GRIP1: variants seen among roughly 807,000 people sequenced by gnomAD.
GRIP1 encodes the protein glutamate receptor-interacting protein 1.
GRIP1 carries 45 observed loss-of-function variants against 129.9 expected under a neutral mutation model. That is an observed-to-expected ratio of 0.35 (90% confidence interval 0.27 to 0.44). The LOEUF is 0.44. Ranked by LOEUF, GRIP1 falls within the 20% of genes least tolerant of loss-of-function variation. The pLI, the probability that GRIP1 is intolerant of heterozygous loss-of-function variation, is 1.00. For synonymous variants in GRIP1, 530 were observed against 520.8 expected, an observed-to-expected ratio of 1.02 and a Z score of -0.24; for missense variants, 1,196 against 1,396.8, an observed-to-expected ratio of 0.86 and a Z score of 2.29.
chr12:66,485,515 C>T (rs2059930208), intron 7 of GRIP1, among the ~76,000 whole-genome samples: 1 of 151,618 alleles, frequency 6.6e-6, no homozygotes, highest in South Asian at 2.1e-4. Context: ...TGCAAATATA[C>T]TTTCCTCCCT....
intron 9 of GRIP1, among the ~76,000 whole-genome samples, chr12:66,458,998 A>G (rs183913578): frequency 2.8e-4 from 42 of 152,224 alleles, no homozygotes; most frequent in African/African-American, 9.6e-4. Flanking sequence ...TACATTCTTC[A>G]TGGTACTTAT....
intron 11 of GRIP1, among the ~76,000 whole-genome samples, chr12:66,451,134 C>T (rs2058783102): frequency 6.6e-6 from 1 of 152,202 alleles, no homozygotes; most frequent in East Asian, 1.9e-4. Flanking sequence ...CCTGCTCTGT[C>T]CTGTTCCCAT....
chr12:66,673,294 T>A (rs1448828794), intron 1 of GRIP1, among the ~76,000 whole-genome samples: 1 of 152,192 alleles, frequency 6.6e-6, no homozygotes, highest in Non-Finnish European at 1.5e-5. Context: ...TGGCAGAAAG[T>A]AAGTGCTCAA....
At chr12:67,049,970 CTT>C (rs62802760) in intron 1 of GRIP1, among the ~76,000 whole-genome samples, 40 of 126,540 alleles carry the variant, frequency 3.2e-4, no homozygotes, top group Non-Finnish European at 3.7e-4. Flanking sequence ...ATTTGAATTT[CTT>C]TTTTTTTTTT....
intron 1 of GRIP1, among the ~76,000 whole-genome samples, chr12:66,686,460 G>C (rs149260509): frequency 1.7e-3 from 256 of 152,332 alleles, no homozygotes; most frequent in African/African-American, 6.0e-3. Flanking sequence ...TATCTCTAAA[G>C]TAATTCATGC....
At chr12:66,467,608 T>A (rs2059322965) in intron 7 of GRIP1, among the ~76,000 whole-genome samples, 2 of 152,196 alleles carry the variant, frequency 1.3e-5, no homozygotes, top group Non-Finnish European at 2.9e-5. Context: ...CTAAGGTGGT[T>A]AGTTTTGCCC....
intron 1 of GRIP1, among the ~76,000 whole-genome samples, chr12:66,878,950 A>T (rs1283945469): frequency 6.6e-6 from 1 of 151,980 alleles, no homozygotes; most frequent in Non-Finnish European, 1.5e-5. Context: ...GACTTACAGA[A>T]ACAGAGACAA....
At chr12:66,953,103 C>A (rs2041784878) in intron 1 of GRIP1, among the ~76,000 whole-genome samples, 1 of 152,110 alleles carries the variant, frequency 6.6e-6, no homozygotes, top group Non-Finnish European at 1.5e-5. Flanking sequence ...AATCATTCAG[C>A]CAGCAACAAA....
chr12:66,786,739 G>A (rs2038358284), intron 1 of GRIP1, among the ~76,000 whole-genome samples: 2 of 152,140 alleles, frequency 1.3e-5, no homozygotes, highest in South Asian at 4.1e-4. Context: ...TGACTAGGAA[G>A]GGGAGAAGCC....
At chr12:66,788,203 T>C (rs1414376419) in intron 1 of GRIP1, among the ~76,000 whole-genome samples, 1 of 152,084 alleles carries the variant, frequency 6.6e-6, no homozygotes, top group Non-Finnish European at 1.5e-5. Context: ...ACTGAGACTC[T>C]TTTTTGTTAA....
intron 1 of GRIP1, among the ~76,000 whole-genome samples, chr12:66,713,949 G>A (rs2035789190): frequency 6.6e-6 from 1 of 151,996 alleles, no homozygotes; most frequent in East Asian, 1.9e-4. Flanking sequence ...TTTCTTTAGA[G>A]ATAGGCAAGG....
intron 1 of GRIP1, among the ~76,000 whole-genome samples, chr12:67,014,371 G>A (rs2042753184): frequency 6.6e-6 from 1 of 152,012 alleles, no homozygotes; most frequent in South Asian, 2.1e-4. Context: ...CTAAGGGGAT[G>A]GTATCAGGCA....
chr12:66,908,197 T>C (rs2040967207), intron 1 of GRIP1, among the ~76,000 whole-genome samples: 1 of 152,154 alleles, frequency 6.6e-6, no homozygotes, highest in Non-Finnish European at 1.5e-5. Context: ...GCTAATGACA[T>C]TCCATCTCAA....
At chr12:67,020,515 C>T (rs1231611901) in intron 1 of GRIP1, among the ~76,000 whole-genome samples, 4 of 152,052 alleles carry the variant, frequency 2.6e-5, no homozygotes, top group African/African-American at 4.8e-5. Flanking sequence ...TCAAGTGATT[C>T]TCCCAAATCA....
At chr12:66,450,163 G>A (rs1203368703) in intron 11 of GRIP1, among the ~76,000 whole-genome samples, 1 of 151,676 alleles carries the variant, frequency 6.6e-6, no homozygotes, top group Admixed American at 6.6e-5. Flanking sequence ...AATTAGCCGG[G>A]CGTGGTGGCA....
intron 1 of GRIP1, among the ~76,000 whole-genome samples, chr12:66,711,597 A>AT (rs893574313): frequency 1.2e-4 from 18 of 151,936 alleles, no homozygotes; most frequent in African/African-American, 3.9e-4. Flanking sequence ...CAGCTTTGGG[A>AT]TTTTTTCTTG....
At chr12:66,880,790 C>T (rs1002434453) in intron 1 of GRIP1, among the ~76,000 whole-genome samples, 1 of 152,052 alleles carries the variant, frequency 6.6e-6, no homozygotes, top group African/African-American at 2.4e-5. Context: ...ACTGATTAAC[C>T]GACCTGTACA....
intron 1 of GRIP1, among the ~76,000 whole-genome samples, chr12:66,627,501 T>G (rs2030224497): frequency 6.6e-6 from 1 of 152,238 alleles, no homozygotes; most frequent in Non-Finnish European, 1.5e-5. Flanking sequence ...ACAGTGTAGT[T>G]GGGGAGGGTG....
chr12:66,544,096 G>C (rs778320064), intron 2 of GRIP1, among the ~76,000 whole-genome samples: 5 of 152,082 alleles, frequency 3.3e-5, no homozygotes, highest in Non-Finnish European at 5.9e-5. Flanking sequence ...GCTGAATCCT[G>C]AAAATCTAGA....
Sources: gnomAD v4.1 joint callset for allele counts (sites outside exome capture counted in the v4.1 genomes callset) on GRCh38, gnomAD v4.1.1 for gene constraint, MANE v1.5 for transcripts, NCBI Gene and HGNC (gene_info 2026-07-23, HGNC 2026-07-21) for gene names.